Variants in CEP126 observed in about 807,000 individuals in gnomAD.
CEP126 encodes the protein centrosomal protein 126.
Under a neutral mutation model 107.8 loss-of-function variants are expected in CEP126, and 74 were observed. The observed-to-expected ratio is 0.69, with a 90% confidence interval of 0.57 to 0.83. The LOEUF (loss-of-function observed/expected upper bound fraction) is 0.83, where lower values mean the gene tolerates loss of function less well. Among genes scored for constraint, CEP126 ranks in the 40% least tolerant of loss-of-function variants. The probability of loss-of-function intolerance (pLI) is 0.00; values close to 1 mark genes in which losing one functional copy is unlikely to be tolerated. For synonymous variants in CEP126, 449 were observed against 446.0 expected (o/e 1.01, Z -0.08); for missense variants, 1,237 against 1,281.9 (o/e 0.96, Z 0.53).
At chr11:101,992,923 C>T (rs962818201) in intron 10 of CEP126, 81 bp downstream of exon 10, 47 of 1,237,862 alleles carry the variant, frequency 3.8e-5, no homozygotes, top group African/African-American at 2.0e-4. Context: ...GTAAGAACCC[C>T]GTATTAATAT....
intron 2 of CEP126, among the ~76,000 whole-genome samples, chr11:101,936,698 T>G (rs534188732): frequency 5.3e-5 from 8 of 152,298 alleles, no homozygotes; most frequent in Middle Eastern, 3.4e-3. Flanking sequence ...CTAGGGAATT[T>G]GGGTAGGTGC....
At chr11:101,933,687 T>G (rs1203933628) in intron 2 of CEP126, among the ~76,000 whole-genome samples, 2 of 152,096 alleles carry the variant, frequency 1.3e-5, no homozygotes, top group Non-Finnish European at 2.9e-5. Flanking sequence ...CAAAACTTTC[T>G]TTCCATATCA....
At position 101,935,615 on chromosome 11, in the gene CEP126, T is replaced by G. The variant is rs190090222; in HGVS notation, c.249-8650T>G. 1.1e-4 allele frequency among the ~76,000 whole-genome samples: 17 copies of G among 152,272 alleles called. No individual in the cohort carries two copies. In the East Asian group the frequency reaches 1.5e-3, roughly 14 times the overall value. Reference sequence around the variant, plus strand: ...TTCACCATTCAGTGGTCTTGATGCCTTTTTTGAAAATCAATTGAGGGTCTA... The same window carrying G: ...TTCACCATTCAGTGGTCTTGATGCCGTTTTTGAAAATCAATTGAGGGTCTA... On this transcript the variant is annotated intron_variant, in intron 2 of 10. Coordinates refer to ENST00000263468, the MANE Select transcript of CEP126 (RefSeq NM_020802.4).
Position 101,915,071 on chromosome 11 carries a change from C to G in CEP126, c.-214C>G. On this transcript the variant is annotated 5_prime_UTR_variant, in exon 1 of 11. Transcript: ENST00000263468. ...TTGCTGCCGCCCCATCTGCTATTGC[C>G]CGGCGAGGTCGCCGCTGCCTCAGCT... The G allele has an allele frequency of 3.4e-6, 2 of 591,518 alleles. No homozygotes were observed. Among genetic ancestry groups the G allele is most frequent in the Non-Finnish European group, 5.6e-6 (2 of 359,772 alleles). The allele number at this position is 591,518 out of a possible 1,614,324, so 36.6% of individuals were successfully genotyped here.
chr11:101,946,941 A>G (rs1940745108), intron 3 of CEP126, among the ~76,000 whole-genome samples: 1 of 152,192 alleles, frequency 6.6e-6, no homozygotes, highest in Admixed American at 6.5e-5. Context: ...CATTCAATAA[A>G]TAATTTTTAA....
chr11:101,978,295 A>G, intron 6 of CEP126, 52 bp from the exon 7 acceptor site: 1 of 1,189,916 alleles, frequency 8.4e-7, no homozygotes, highest in East Asian at 2.3e-5. Context: ...GTGGGTATAT[A>G]TTGGCTACTC....
rs938951299 is a variant in CEP126, at chr11:101,990,815, G to A, written c.3245-1963G>A. On this transcript the variant is annotated intron_variant, in intron 9 of 10. Transcript: ENST00000263468. ...CAGAACAGGAACATTTCAGGGGGTG[G>A]GGGGACTCTCCAAGACCCCTGAATA... 2.6e-5 allele frequency among the ~76,000 whole-genome samples: 4 copies of A among 151,888 alleles called. No individual in the cohort carries two copies. In the East Asian group the frequency reaches 5.8e-4, roughly 22 times the overall value.
At position 101,961,990 on chromosome 11, in the gene CEP126, TC is replaced by T. The variant is rs1387957430; in HGVS notation, c.956del (p.Ser319Ter). The T allele has an allele frequency of 6.2e-7, 1 of 1,612,270 alleles. No individual in the cohort carries two copies. The highest frequency in any genetic ancestry group is 8.5e-7 in the Non-Finnish European group (1 of 1,179,078). On this transcript the variant is annotated frameshift_variant, in exon 6 of 11. Coordinates refer to ENST00000263468, the MANE Select transcript of CEP126 (RefSeq NM_020802.4). LOFTEE classifies it high-confidence loss of function. Reference protein sequence around the residue: ...INNWLTNLDASNTQNVTAFSD... With the variant: ...INNWLTNLDAXNTQNVTAFSD... ...TAATTGGCTTACAAATTTAGATGCTTCAAATACTCAGAATGTCACAGCTTTC... is the reference window on the plus strand; with the variant it reads ...TAATTGGCTTACAAATTTAGATGCTTAAATACTCAGAATGTCACAGCTTTC...
At position 101,985,148 on chromosome 11, in the gene CEP126, T is replaced by C. The variant is rs141349771; in HGVS notation, c.3035-1684T>C. Among the ~76,000 whole-genome samples the C allele has an allele frequency of 4.4e-3, 669 of 152,306 alleles. 5 individuals are homozygous for C. The highest frequency in any genetic ancestry group is 0.015 in the African/African-American group (643 of 41,564). ...AACAACCACAGATAATCCACATAGG[T>C]TGCTGATACAGTGATATCTTTGCTT... On this transcript the variant is annotated intron_variant, in intron 8 of 10. Transcript: ENST00000263468.
intron 9 of CEP126, among the ~76,000 whole-genome samples, chr11:101,988,700 C>G (rs1392833616): frequency 6.6e-6 from 1 of 151,968 alleles, no homozygotes; most frequent in African/African-American, 2.4e-5. Flanking sequence ...ATGAAAATGT[C>G]TCTCAAGAAG....
intron 3 of CEP126, 97 bp downstream of exon 3, chr11:101,944,507 C>A (rs373100708): frequency 3.3e-6 from 4 of 1,198,174 alleles, no homozygotes; most frequent in Non-Finnish European, 4.6e-6. Flanking sequence ...GAAGTGGAAA[C>A]AAACTAAAAA....
intron 2 of CEP126, among the ~76,000 whole-genome samples, chr11:101,935,614 C>A (rs925293077): frequency 7.2e-5 from 11 of 151,980 alleles, no homozygotes; most frequent in Admixed American, 1.3e-4. Flanking sequence ...GTCTTGATGC[C>A]TTTTTTGAAA....
At chr11:101,984,485 A>G (rs1941293687) in intron 8 of CEP126, among the ~76,000 whole-genome samples, 2 of 152,246 alleles carry the variant, frequency 1.3e-5, no homozygotes, top group South Asian at 2.1e-4. Flanking sequence ...ATAAGACTCC[A>G]GGTGTTTTCA....
rs528752790 is a variant in CEP126 at position 101,929,707 on chromosome 11, C to G, written c.248+6947C>G. On this transcript the variant is annotated intron_variant, in intron 2 of 10. Transcript: ENST00000263468. ...TAATACCAGGATGAGGAGAAGACCACTTTACCACCAGGTGGAGATGAAAGC... is the reference window on the plus strand; with the variant it reads ...TAATACCAGGATGAGGAGAAGACCAGTTTACCACCAGGTGGAGATGAAAGC... Among the ~76,000 whole-genome samples, 11 of 152,298 alleles carry G rather than the reference C, an allele frequency of 7.2e-5. No individual in the cohort carries two copies. In the South Asian group the frequency reaches 2.1e-3, roughly 29 times the overall value.
intron 6 of CEP126, among the ~76,000 whole-genome samples, chr11:101,964,301 G>GA (rs915217589): frequency 3.6e-4 from 47 of 131,068 alleles, no homozygotes; most frequent in South Asian, 7.2e-4. Flanking sequence ...GACTCTGTCT[G>GA]AAAAAAAAAA....
intron 4 of CEP126, among the ~76,000 whole-genome samples, chr11:101,950,968 G>T (rs902763401): frequency 1.3e-5 from 2 of 152,162 alleles, no homozygotes; most frequent in African/African-American, 4.8e-5. Flanking sequence ...AGGATAGAGA[G>T]AAATTGGAGG....
rs752962056 is a variant in CEP126, at chr11:101,947,986, A to G, written c.395-45A>G. ...TAAATTATATGTAAAGTGACCACTG[A>G]AGATAAAGTGATTCTGTACTGTTCG... On this transcript the variant is annotated intron_variant, in intron 3 of 10. Transcript: ENST00000263468. 3.2e-6 allele frequency: 3 copies of G among 927,978 alleles called. No individual in the cohort carries two copies. The Admixed American group carries it at 6.8e-5, about 21-fold the overall frequency. 57.5% of individuals were successfully genotyped at this position (927,978 alleles called of 1,614,324 possible). A position where few individuals can be genotyped will look rare whatever the true frequency, so the allele number is the denominator to read the frequency against.
At chr11:101,922,978 T>C (rs895939942) in intron 2 of CEP126, among the ~76,000 whole-genome samples, 1 of 152,216 alleles carries the variant, frequency 6.6e-6, no homozygotes, top group African/African-American at 2.4e-5. Flanking sequence ...TAGCAGTCTT[T>C]TTTTGTCATA....
In CEP126 at chr11:101,963,861, T is replaced by C; in HGVS notation, c.2826T>C (p.His942=). The C allele has an allele frequency of 6.2e-7, 1 of 1,605,314 alleles. No homozygotes were observed. The highest frequency in any genetic ancestry group is 8.5e-7 in the Non-Finnish European group (1 of 1,176,210). Residue 942 remains histidine, a synonymous_variant, in exon 6 of 11, where the codon CAT becomes CAC. Coordinates refer to ENST00000263468, the MANE Select transcript of CEP126 (RefSeq NM_020802.4). ...PLWKRGPNVL[H]QNKRATGSTV... is the part of the protein sequence containing the mutation. ...GGAAAAGAGGTCCTAATGTCCTGCA[T>C]CAAAATAAGAGGGCTACAGGTAAGA...
Sources: gnomAD v4.1 joint callset for allele counts (sites outside exome capture counted in the v4.1 genomes callset) on GRCh38, gnomAD v4.1.1 for gene constraint, MANE v1.5 for transcripts, NCBI Gene and HGNC (gene_info 2026-07-23, HGNC 2026-07-21) for gene names.